Variants in USP15 observed in about 807,000 individuals in gnomAD.
The protein encoded by USP15 is ubiquitin specific peptidase 15.
USP15 carries 18 observed loss-of-function variants against 127.1 expected under a neutral mutation model. The ratio of observed to expected loss-of-function variants is 0.14; its 90% CI spans 0.10 to 0.21. USP15 has a LOEUF of 0.21. Among genes scored for constraint, USP15 ranks in the 10% least tolerant of loss-of-function variants. USP15 has a pLI of 1.00. For synonymous variants in USP15, 364 were observed against 393.7 expected (o/e 0.92, Z 0.89); for missense variants, 805 against 1,159.9 (o/e 0.69, Z 4.44).
chr12:62,288,511 TAG>T (rs1434323456), intron 1 of USP15, among the ~76,000 whole-genome samples: 2 of 152,150 alleles, frequency 1.3e-5, no homozygotes, highest in African/African-American at 2.4e-5. Context: ...GTGGAATCTT[TAG>T]AGTTATCTAG....
At chr12:62,352,826 T>G (rs1204314143) in intron 7 of USP15, among the ~76,000 whole-genome samples, 1 of 43,256 alleles carries the variant, frequency 2.3e-5, no homozygotes, top group African/African-American at 1.1e-4. Context: ...TAAGGTTCAA[T>G]TTCACAAAAA....
chr12:62,391,282 A>G lies in USP15; in HGVS notation c.2086A>G (p.Thr696Ala). The change falls in exon 16 of 22, where the codon ACT (threonine) becomes GCT (alanine). Residue 696 changes from threonine (T) to alanine (A), a missense_variant. By Grantham distance (58) the Thr-to-Ala change is moderately conservative (BLOSUM62 0). Transcript: ENST00000280377. ...TAATGATTCTGAAAATGGATTATGT[A>G]CTGAGGATACTTGCAAAGGTCAACT... ...GDNDSENGLCTEDTCKGQLTG... is the reference protein window; with the variant it reads ...GDNDSENGLCAEDTCKGQLTG... 3.1e-6 allele frequency: 5 copies of G among 1,613,686 alleles called. No homozygotes were observed. The highest frequency in any genetic ancestry group is 4.2e-6 in the Non-Finnish European group (5 of 1,179,744).
chr12:62,379,887 T>A (rs534115322), intron 8 of USP15, among the ~76,000 whole-genome samples: 1 of 152,072 alleles, frequency 6.6e-6, no homozygotes, highest in East Asian at 1.9e-4. Context: ...GGACATATAA[T>A]ACAAAGGAAG....
At chr12:62,275,775 C>A (rs566938252) in intron 1 of USP15, among the ~76,000 whole-genome samples, 19 of 151,982 alleles carry the variant, frequency 1.3e-4, no homozygotes, top group Admixed American at 1.3e-4. Flanking sequence ...TCTACTGATA[C>A]GTAAGGGAAT....
chr12:62,269,676 C>A (rs551528580), intron 1 of USP15, among the ~76,000 whole-genome samples: 3 of 152,206 alleles, frequency 2.0e-5, no homozygotes, highest in African/African-American at 7.2e-5. Flanking sequence ...CCACCTTAGT[C>A]TTCCAAAGTG....
intron 6 of USP15, chr12:62,335,377 C>G: frequency 7.0e-7 from 1 of 1,422,352 alleles, no homozygotes; most frequent in South Asian, 1.6e-5. Context: ...TATCACTCAA[C>G]AGTAATGTCT....
chr12:62,265,096 A>G (rs961903660), intron 1 of USP15, among the ~76,000 whole-genome samples: 2 of 152,188 alleles, frequency 1.3e-5, no homozygotes, highest in African/African-American at 4.8e-5. Flanking sequence ...TCCAGGGTTA[A>G]TGTACCCTAA....
chr12:62,362,743 G>GT (rs2066356645), intron 8 of USP15, among the ~76,000 whole-genome samples: 1 of 152,034 alleles, frequency 6.6e-6, no homozygotes, highest in Non-Finnish European at 1.5e-5. Flanking sequence ...GAACAAAACA[G>GT]TTTTTTCCCA....
At chr12:62,271,828 A>T (rs192057376) in intron 1 of USP15, among the ~76,000 whole-genome samples, 1 of 151,960 alleles carries the variant, frequency 6.6e-6, no homozygotes, top group African/African-American at 2.4e-5. Flanking sequence ...TGAGTTTCTT[A>T]TTTGTCTTAG....
chr12:62,379,166 C>A (rs2066915030), intron 8 of USP15, among the ~76,000 whole-genome samples: 2 of 143,392 alleles, frequency 1.4e-5, no homozygotes, highest in Non-Finnish European at 1.5e-5. Flanking sequence ...GATAGGATGC[C>A]AGAATCTTGA....
intron 1 of USP15, among the ~76,000 whole-genome samples, chr12:62,274,503 G>T (rs1010443838): frequency 1.3e-5 from 2 of 151,486 alleles, no homozygotes; most frequent in African/African-American, 4.8e-5. Context: ...AAAATTAACC[G>T]GGTGTGGTGG....
At chr12:62,330,124 T>C (rs1350187891) in intron 6 of USP15, among the ~76,000 whole-genome samples, 1 of 151,954 alleles carries the variant, frequency 6.6e-6, no homozygotes. Context: ...TTCATAAATA[T>C]TTAAGAAAAT....
intron 11 of USP15, among the ~76,000 whole-genome samples, chr12:62,387,298 T>C (rs2067183390): frequency 6.6e-6 from 1 of 152,192 alleles, no homozygotes. Flanking sequence ...ATTTATCATC[T>C]AAACAAGAAC....
chr12:62,394,742 G>A (rs954516488), intron 19 of USP15, among the ~76,000 whole-genome samples: 1 of 151,894 alleles, frequency 6.6e-6, no homozygotes, highest in African/African-American at 2.4e-5. Flanking sequence ...CCAGCTACTC[G>A]GGAGGCTAAG....
intron 8 of USP15, among the ~76,000 whole-genome samples, chr12:62,373,033 C>T (rs1387283623): frequency 6.6e-6 from 1 of 151,874 alleles, no homozygotes; most frequent in African/African-American, 2.4e-5. Flanking sequence ...GTTTCAAAAC[C>T]TTATTTAAAA....
intron 8 of USP15, among the ~76,000 whole-genome samples, chr12:62,371,490 C>T (rs2066665632): frequency 6.6e-6 from 1 of 152,084 alleles, no homozygotes; most frequent in South Asian, 2.1e-4. Flanking sequence ...AAAATAAGCA[C>T]AGAAATTGTA....
intron 1 of USP15, among the ~76,000 whole-genome samples, chr12:62,275,489 T>A (rs1456970204): frequency 6.6e-6 from 1 of 151,650 alleles, no homozygotes; most frequent in Non-Finnish European, 1.5e-5. Context: ...GTTAAGGTGG[T>A]CATTGGTGAT....
intron 6 of USP15, among the ~76,000 whole-genome samples, chr12:62,348,497 G>T (rs2065882485): frequency 6.6e-6 from 1 of 152,082 alleles, no homozygotes; most frequent in Non-Finnish European, 1.5e-5. Context: ...CCTAGATGTT[G>T]CCTAGTAAAT....
At chr12:62,371,379 T>G (rs1464172687) in intron 8 of USP15, among the ~76,000 whole-genome samples, 1 of 152,162 alleles carries the variant, frequency 6.6e-6, no homozygotes, top group African/African-American at 2.4e-5. Flanking sequence ...TTTGGTTTTC[T>G]TTTATATCCC....
Sources: gnomAD v4.1 joint callset for allele counts (sites outside exome capture counted in the v4.1 genomes callset) on GRCh38, gnomAD v4.1.1 for gene constraint, MANE v1.5 for transcripts, NCBI Gene and HGNC (gene_info 2026-07-23, HGNC 2026-07-21) for gene names.